ATXN7L1: variants seen among roughly 807,000 people sequenced by gnomAD.
ATXN7L1 encodes ataxin 7 like 1.
In ATXN7L1, 15 loss-of-function variants were observed where a neutral mutation model predicts 70.8. The observed-to-expected ratio is 0.21, with a 90% CI of 0.14 to 0.33. The LOEUF (loss-of-function observed/expected upper bound fraction) is 0.33. Ranked by LOEUF, ATXN7L1 falls within the 10% of genes least tolerant of loss-of-function variation. The pLI is 1.00. For synonymous variants in ATXN7L1, 440 were observed against 445.1 expected, an observed-to-expected ratio of 0.99 and a Z score of 0.14; for missense variants, 975 against 1,097.1, an observed-to-expected ratio of 0.89 and a Z score of 1.57.
intron 2 of ATXN7L1, among the ~76,000 whole-genome samples, chr7:105,817,198 A>G (rs1202302701): frequency 2.0e-5 from 3 of 152,200 alleles, no homozygotes; most frequent in Non-Finnish European, 4.4e-5. Context: ...GAAAACAGAG[A>G]TGTCAATATG....
At chr7:105,800,262 A>G (rs953916683) in intron 2 of ATXN7L1, among the ~76,000 whole-genome samples, 4 of 152,180 alleles carry the variant, frequency 2.6e-5, no homozygotes, top group African/African-American at 7.2e-5. Flanking sequence ...TTGGGCCCCA[A>G]TCCCTGGGTT....
Position 105,733,513 on chromosome 7 carries a change from T to TCCAC in ATXN7L1, c.355+55087_355+55090dup, listed in dbSNP as rs1563048396. Among the ~76,000 whole-genome samples, 7 of 141,938 alleles carry TCCAC rather than the reference T, an allele frequency of 4.9e-5. 1 individual carries two copies. The highest frequency in any genetic ancestry group is 7.7e-5 in the Non-Finnish European group (5 of 65,016). 93.1% of individuals were successfully genotyped at this position (141,938 alleles called of 152,430 possible). On this transcript the variant is annotated intron_variant, in intron 3 of 11. Coordinates refer to ENST00000419735, the MANE Select transcript of ATXN7L1 (RefSeq NM_020725.2). ...ATCCACCCATCCATCCTTCCATCCA[T>TCCAC]CCACCCATCCATCCATCCATCCATC... is the stretch of plus-strand genomic sequence containing the variant.
intron 2 of ATXN7L1, among the ~76,000 whole-genome samples, chr7:105,854,358 C>G (rs1411824523): frequency 6.6e-6 from 1 of 151,658 alleles, no homozygotes; most frequent in African/African-American, 2.4e-5. Flanking sequence ...CACACAACAT[C>G]TGTGGGAGTT....
chr7:105,823,855 G>A (rs938088545), intron 2 of ATXN7L1, among the ~76,000 whole-genome samples: 5 of 152,196 alleles, frequency 3.3e-5, no homozygotes, highest in African/African-American at 4.8e-5. Context: ...ATCCGCCTGG[G>A]ATATAACCCT....
chr7:105,702,915 G>A (rs954841660), intron 3 of ATXN7L1, among the ~76,000 whole-genome samples: 6 of 152,102 alleles, frequency 3.9e-5, no homozygotes, highest in Non-Finnish European at 8.8e-5. Flanking sequence ...TCAGGAGATC[G>A]AGACCATCCT....
chr7:105,636,447 G>GCCCCCC (rs11433155), intron 7 of ATXN7L1, among the ~76,000 whole-genome samples: 2 of 139,472 alleles, frequency 1.4e-5, no homozygotes, highest in Non-Finnish European at 3.1e-5. Context: ...GTGTTCCTCT[G>GCCCCCC]CCCCCCCCAC....
At chr7:105,806,031 G>T (rs1807540816) in intron 2 of ATXN7L1, among the ~76,000 whole-genome samples, 1 of 152,178 alleles carries the variant, frequency 6.6e-6, no homozygotes, top group Admixed American at 6.5e-5. Context: ...GGGCTGCAGG[G>T]ACAGAGAGGA....
intron 7 of ATXN7L1, among the ~76,000 whole-genome samples, chr7:105,636,360 A>G (rs1797365211): frequency 6.8e-6 from 1 of 146,960 alleles, no homozygotes; most frequent in Admixed American, 7.1e-5. Flanking sequence ...GCGCCATTGC[A>G]CTCCAGCCTG....
intron 3 of ATXN7L1, among the ~76,000 whole-genome samples, chr7:105,689,320 C>CA (rs1239611347): frequency 6.6e-6 from 1 of 152,132 alleles, no homozygotes; most frequent in Non-Finnish European, 1.5e-5. Context: ...ATTGGCAGGC[C>CA]AATGTCTGGA....
intron 3 of ATXN7L1, among the ~76,000 whole-genome samples, chr7:105,688,620 T>G (rs544929227): frequency 2.6e-5 from 4 of 152,212 alleles, no homozygotes; most frequent in Non-Finnish European, 5.9e-5. Context: ...CTCTACCTTA[T>G]GCCCTGGCGT....
intron 2 of ATXN7L1, among the ~76,000 whole-genome samples, chr7:105,841,793 G>A (rs138123513): frequency 4.6e-5 from 7 of 152,262 alleles, no homozygotes; most frequent in South Asian, 2.1e-4. Context: ...CAGTATGTAC[G>A]TATGCATAGG....
chr7:105,819,630 T>C, intron 2 of ATXN7L1: 3 of 883,488 alleles, frequency 3.4e-6, no homozygotes, highest in Non-Finnish European at 3.8e-6. Context: ...TTCTGGCCAT[T>C]TCTACAGATA....
intron 2 of ATXN7L1, among the ~76,000 whole-genome samples, chr7:105,789,579 G>A (rs1422377021): frequency 1.3e-5 from 2 of 152,092 alleles, no homozygotes; most frequent in Admixed American, 6.5e-5. Context: ...GGCCAGGCAG[G>A]GGGAAGGCGG....
chr7:105,681,198 G>A (rs1464456678), intron 3 of ATXN7L1, among the ~76,000 whole-genome samples: 6 of 152,102 alleles, frequency 3.9e-5, no homozygotes, highest in African/African-American at 1.4e-4. Flanking sequence ...AGGCTGAGGC[G>A]GGTGGATCAC....
chr7:105,728,777 G>A (rs1326067241), intron 3 of ATXN7L1, among the ~76,000 whole-genome samples: 2 of 152,136 alleles, frequency 1.3e-5, no homozygotes, highest in Non-Finnish European at 2.9e-5. Flanking sequence ...GTACCAGAAA[G>A]TAAGGCAGTG....
At chr7:105,695,325 C>A (rs571890451) in intron 3 of ATXN7L1, among the ~76,000 whole-genome samples, 1 of 152,120 alleles carries the variant, frequency 6.6e-6, no homozygotes, top group Non-Finnish European at 1.5e-5. Context: ...AGCACAACAT[C>A]GCCCTCAATT....
chr7:105,624,670 C>A (rs937231555), intron 7 of ATXN7L1, among the ~76,000 whole-genome samples: 5 of 118,260 alleles, frequency 4.2e-5, no homozygotes, highest in Non-Finnish European at 9.0e-5. Flanking sequence ...AAAAAAACAG[C>A]CTGATTAGCC....
chr7:105,772,489 C>A (rs1261032435), intron 3 of ATXN7L1, among the ~76,000 whole-genome samples: 8 of 152,102 alleles, frequency 5.3e-5, no homozygotes, highest in Non-Finnish European at 1.5e-5. Context: ...GAGGCAAATA[C>A]ATATTGACCC....
chr7:105,664,575 G>GTATATATATATATA (rs1554416470), intron 4 of ATXN7L1, among the ~76,000 whole-genome samples: 7 of 131,986 alleles, frequency 5.3e-5, no homozygotes, highest in Non-Finnish European at 9.8e-5. Flanking sequence ...GTATGTGTGT[G>GTATATATATATATA]TATATATATA....
Sources: gnomAD v4.1 joint callset for allele counts (sites outside exome capture counted in the v4.1 genomes callset) on GRCh38, gnomAD v4.1.1 for gene constraint, MANE v1.5 for transcripts, NCBI Gene and HGNC (gene_info 2026-07-23, HGNC 2026-07-21) for gene names.